Variants in NEGR1 observed in about 807,000 individuals in gnomAD.
NEGR1 encodes IgLON family member 4.
Under a neutral mutation model 40.9 loss-of-function variants are expected in NEGR1, and 10 were observed. The observed-to-expected ratio is 0.24, with a 90% CI of 0.15 to 0.42. The LOEUF is 0.42. Among genes scored for constraint, NEGR1 ranks in the 10% least tolerant of loss-of-function variants. The pLI is 1.00. For synonymous variants in NEGR1, 185 were observed against 166.8 expected, an observed-to-expected ratio of 1.11 and a Z score of -0.84; for missense variants, 352 against 438.9, an observed-to-expected ratio of 0.80 and a Z score of 1.77.
chr1:71,652,448 T>A (rs1651747631), intron 4 of NEGR1, among the ~76,000 whole-genome samples: 1 of 152,142 alleles, frequency 6.6e-6, no homozygotes, highest in South Asian at 2.1e-4. Context: ...AATAAAGTTA[T>A]ATGGAAACGC....
At chr1:71,898,879 CA>C (rs1016453899) in intron 2 of NEGR1, among the ~76,000 whole-genome samples, 2 of 69,340 alleles carry the variant, frequency 2.9e-5, no homozygotes, top group African/African-American at 1.1e-4. Flanking sequence ...ATATATATTG[CA>C]AATATATATA....
At chr1:71,731,717 G>T (rs1381377369) in intron 3 of NEGR1, among the ~76,000 whole-genome samples, 2 of 152,168 alleles carry the variant, frequency 1.3e-5, no homozygotes, top group African/African-American at 4.8e-5. Flanking sequence ...TGCAGGAGAA[G>T]ATGCAACACT....
intron 1 of NEGR1, among the ~76,000 whole-genome samples, chr1:71,952,948 A>G (rs1646084972): frequency 6.9e-6 from 1 of 144,042 alleles, no homozygotes; most frequent in Non-Finnish European, 1.5e-5. Context: ...GTTAAGACCT[A>G]CTGCTCAGGA....
chr1:71,930,274 GA>G (rs1322246875), intron 2 of NEGR1, among the ~76,000 whole-genome samples: 1 of 152,148 alleles, frequency 6.6e-6, no homozygotes, highest in East Asian at 1.9e-4. Context: ...GATGCTCTGA[GA>G]TAGCTCATGG....
rs1646267208 is a variant in NEGR1 at position 71,404,692 on chromosome 1, A to T, written c.*2754T>A. The T allele has an allele frequency of 6.6e-6, 1 of 152,048 alleles. No individual in the cohort carries two copies. Among genetic ancestry groups the T allele is most frequent in the Admixed American group, 6.6e-5 (1 of 15,176 alleles). The allele number at this position is 152,048 out of a possible 1,614,324, so 9.4% of individuals were successfully genotyped here. ...TTTTCTTTCTTCCTTCTTTAAAAAA[A>T]AATAGGGGCAACAAAAGGAGTCCCA... is the stretch of plus-strand genomic sequence containing the variant. On this transcript the variant is annotated 3_prime_UTR_variant, in exon 7 of 7. Transcript: ENST00000357731.
At chr1:72,040,577 C>CAAAAAAAAAAAAAAA (rs5775102) in intron 1 of NEGR1, among the ~76,000 whole-genome samples, 7 of 29,706 alleles carry the variant, frequency 2.4e-4, no homozygotes, top group Admixed American at 6.3e-4. Flanking sequence ...GAGCACTGAC[C>CAAAAAAAAAAAAAAA]AAAAAAAAAA....
intron 1 of NEGR1, among the ~76,000 whole-genome samples, chr1:72,181,477 T>C (rs1652368348): frequency 6.6e-6 from 1 of 152,178 alleles, no homozygotes; most frequent in East Asian, 1.9e-4. Context: ...TAGACTGGTA[T>C]AGCCATTATG....
intron 1 of NEGR1, among the ~76,000 whole-genome samples, chr1:72,179,649 A>C (rs759162628): frequency 1.3e-5 from 2 of 152,222 alleles, no homozygotes; most frequent in South Asian, 4.1e-4. Context: ...CTTGGCATAA[A>C]GTACTAGGCA....
At chr1:72,239,593 A>T (rs1654668772) in intron 1 of NEGR1, among the ~76,000 whole-genome samples, 1 of 151,820 alleles carries the variant, frequency 6.6e-6, no homozygotes, top group African/African-American at 2.4e-5. Flanking sequence ...GTGAAACTAC[A>T]AAATTTTCAT....
At chr1:71,596,074 A>G (rs1341641424) in intron 5 of NEGR1, among the ~76,000 whole-genome samples, 2 of 147,424 alleles carry the variant, frequency 1.4e-5, no homozygotes, top group Non-Finnish European at 3.0e-5. Context: ...AGAGAAACAA[A>G]TTCTGTAGAG....
chr1:71,888,404 G>A (rs1032774300), intron 2 of NEGR1, among the ~76,000 whole-genome samples: 2 of 152,036 alleles, frequency 1.3e-5, no homozygotes, highest in Admixed American at 1.3e-4. Context: ...GCCTCACCTG[G>A]GAAGCGCAAG....
chr1:72,130,877 G>T (rs897988775), intron 1 of NEGR1, among the ~76,000 whole-genome samples: 1 of 151,982 alleles, frequency 6.6e-6, no homozygotes. Flanking sequence ...AATATTTTTT[G>T]GATGAAAGGA....
intron 6 of NEGR1, among the ~76,000 whole-genome samples, chr1:71,549,372 AAG>A (rs1557562981): frequency 6.6e-6 from 1 of 151,656 alleles, no homozygotes; most frequent in African/African-American, 2.4e-5. Context: ...TTGGCGGGGA[AAG>A]AGAGTGTTAT....
intron 1 of NEGR1, among the ~76,000 whole-genome samples, chr1:71,974,398 T>G (rs1007589177): frequency 6.6e-6 from 1 of 152,168 alleles, no homozygotes; most frequent in African/African-American, 2.4e-5. Context: ...AAATTTCTGT[T>G]TAGTTTCTAA....
intron 1 of NEGR1, among the ~76,000 whole-genome samples, chr1:72,200,238 T>G (rs190460180): frequency 3.9e-5 from 6 of 152,018 alleles, no homozygotes; most frequent in African/African-American, 1.2e-4. Flanking sequence ...ACAGTGCTAT[T>G]CACAATATCA....
intron 2 of NEGR1, among the ~76,000 whole-genome samples, chr1:71,869,133 T>G (rs1660205059): frequency 6.6e-6 from 1 of 152,224 alleles, no homozygotes; most frequent in African/African-American, 2.4e-5. Context: ...CTTTCATGAC[T>G]TATTCATAGA....
chr1:71,582,522 AT>A (rs1450600690), intron 6 of NEGR1, among the ~76,000 whole-genome samples: 1 of 152,022 alleles, frequency 6.6e-6, no homozygotes, highest in African/African-American at 2.4e-5. Context: ...ATTTTTTCTC[AT>A]TAATTTTCAT....
At chr1:72,282,285 G>A in intron 1 of NEGR1, 34 bp downstream of exon 1, 1 of 1,610,814 alleles carries the variant, frequency 6.2e-7, no homozygotes, top group Non-Finnish European at 8.5e-7. Context: ...AAGATAGACC[G>A]AAACAAGTAC....
intron 1 of NEGR1, among the ~76,000 whole-genome samples, chr1:72,121,672 T>G (rs17092363): frequency 5.3e-5 from 8 of 152,096 alleles, no homozygotes; most frequent in African/African-American, 1.2e-4. Flanking sequence ...TATAAAAATA[T>G]GATGAGTCTA....
Sources: gnomAD v4.1 joint callset for allele counts (sites outside exome capture counted in the v4.1 genomes callset) on GRCh38, gnomAD v4.1.1 for gene constraint, MANE v1.5 for transcripts, NCBI Gene and HGNC (gene_info 2026-07-23, HGNC 2026-07-21) for gene names.